Variants in SNORC observed in about 807,000 individuals in gnomAD.
SNORC encodes protein SNORC.
Under a neutral mutation model 9.7 loss-of-function variants are expected in SNORC, and 11 were observed. The observed-to-expected ratio is 1.14, with a 90% CI of 0.72 to 1.88. The LOEUF is 1.88. SNORC is among the 40% of genes most tolerant of loss of function. SNORC has a pLI of 0.00. For synonymous variants in SNORC, 108 were observed against 88.7 expected (o/e 1.22, Z -1.22); for missense variants, 197 against 173.1 (o/e 1.14, Z -0.77).
chr2:232,876,546 GC>G, downstream of SNORC: 2 of 1,188,118 alleles, frequency 1.7e-6, no homozygotes, highest in Non-Finnish European at 2.1e-6. The surrounding 1 kb of genome is among the most constrained non-coding windows in gnomAD (Gnocchi z 6.8). Flanking sequence ...CCGGAGGCGC[GC>G]CCGAATTCCC....
intron 1 of SNORC, chr2:232,875,377 C>A (rs542227014): frequency 1.1e-4 from 29 of 258,248 alleles, no homozygotes; most frequent in African/African-American, 5.4e-4. Flanking sequence ...CATGGGCAGG[C>A]CTGCCCTGCT....
At chr2:232,869,433 T>A (rs1574968633), upstream of SNORC, among the ~76,000 whole-genome samples, 1 of 151,952 alleles carries the variant, frequency 6.6e-6, no homozygotes, top group East Asian at 1.9e-4. Flanking sequence ...GGCTCAGACG[T>A]GGGAAGTGAG....
chr2:232,875,735 C>G (rs1691203667), intron 1 of SNORC: 1 of 594,140 alleles, frequency 1.7e-6, no homozygotes, highest in Non-Finnish European at 2.9e-6. Flanking sequence ...AGACACTCCT[C>G]CTGCCCACCC....
chr2:232,877,111 C>G (rs908110353), downstream of SNORC: 14 of 985,970 alleles, frequency 1.4e-5, no homozygotes, highest in Non-Finnish European at 1.7e-5. Flanking sequence ...CCAAGCCCCC[C>G]TCTGCCCAGG....
chr2:232,869,534 A>G (rs1463471937), upstream of SNORC: 3 of 152,346 alleles, frequency 2.0e-5, no homozygotes, highest in African/African-American at 2.4e-5. Flanking sequence ...GGGAAGGGGC[A>G]GTAGAGTCAA....
chr2:232,876,649 C>A (rs906101910), downstream of SNORC: 5 of 1,020,520 alleles, frequency 4.9e-6, no homozygotes, highest in East Asian at 3.7e-4. This position sits in a 1 kb window ranked among gnomAD's most constrained non-coding sequence, Gnocchi z 6.8. Context: ...CCGCGCGGCT[C>A]GGCGTCCCCG....
At position 232,875,774 on chromosome 2, in the gene SNORC, C is replaced by T. The variant is rs796757531; in HGVS notation, c.74-166C>T. 38 of 738,612 alleles carry T rather than the reference C, an allele frequency of 5.1e-5. No individual in the cohort carries two copies. The African/African-American group carries it at 6.1e-4, about 12-fold the overall frequency. 45.8% of individuals were successfully genotyped at this position (738,612 alleles called of 1,614,324 possible). A position where few individuals can be genotyped will look rare whatever the true frequency, so the allele number is the denominator to read the frequency against. On this transcript the variant is annotated intron_variant, in intron 1 of 2. Transcript: ENST00000331342. ...GGCCCTGCCCAATGGGAGGCAGCAACGCACTGGCTTCAGCTTCTTAGCCTG... is the reference window on the plus strand; with the variant it reads ...GGCCCTGCCCAATGGGAGGCAGCAATGCACTGGCTTCAGCTTCTTAGCCTG...
At chr2:232,873,247 A>T (rs1428216414) in intron 1 of SNORC, among the ~76,000 whole-genome samples, 1 of 152,226 alleles carries the variant, frequency 6.6e-6, no homozygotes, top group African/African-American at 2.4e-5. Context: ...GATAGGCCCC[A>T]GCCCTCCTGA....
At chr2:232,875,037 C>T (rs1395441600) in intron 1 of SNORC, among the ~76,000 whole-genome samples, 2 of 152,224 alleles carry the variant, frequency 1.3e-5, no homozygotes, top group African/African-American at 4.8e-5. Flanking sequence ...AGTCTCTATC[C>T]CAGTTGAGAT....
intron 1 of SNORC, 90 bp downstream of exon 1, chr2:232,870,504 A>C: frequency 3.2e-6 from 4 of 1,268,122 alleles, no homozygotes; most frequent in Non-Finnish European, 4.4e-6. Context: ...TTCACTGGGG[A>C]GGAAGCCCTC....
chr2:232,866,629 GATTA>G (rs568723204), upstream of SNORC, among the ~76,000 whole-genome samples: 36 of 152,272 alleles, frequency 2.4e-4, no homozygotes, highest in Admixed American at 5.2e-4. Flanking sequence ...CAGCTTATGA[GATTA>G]ATTTTCTGTT....
At chr2:232,875,456 A>G in intron 1 of SNORC, 2 of 405,764 alleles carry the variant, frequency 4.9e-6, no homozygotes, top group Non-Finnish European at 1.0e-5. Context: ...CCCCATGTTG[A>G]GCTTTCCAGC....
At chr2:232,870,067 AAG>A (rs992827448), upstream of SNORC, among the ~76,000 whole-genome samples, 5 of 151,848 alleles carry the variant, frequency 3.3e-5, no homozygotes, top group East Asian at 1.9e-4. Context: ...GGGGTGGAGA[AAG>A]AGAGAGAGCA....
At chr2:232,876,830 TCCTCTGCCTGGGCGCGGGCCGAGGC>T (rs1399327684), downstream of SNORC, 23 of 985,290 alleles carry the variant, frequency 2.3e-5, no homozygotes, top group Non-Finnish European at 2.8e-5. This position sits in a 1 kb window ranked among gnomAD's most constrained non-coding sequence, Gnocchi z 6.8. Flanking sequence ...CGGCGCCGCC[TCCTCTGCCTGGGCGCGGGCCGAGGC>T]CCTCGCCGCG....
At chr2:232,873,748 G>C (rs1366494186) in intron 1 of SNORC, among the ~76,000 whole-genome samples, 3 of 152,232 alleles carry the variant, frequency 2.0e-5, no homozygotes, top group Admixed American at 6.5e-5. Flanking sequence ...CCAGGGGCCT[G>C]GGGCCTTCCA....
At chr2:232,875,734 TCCTGCCCACCCACCGGC>T in intron 1 of SNORC, 189 bp from the exon 2 acceptor site, 1 of 593,490 alleles carries the variant, frequency 1.7e-6, no homozygotes. Context: ...CAGACACTCC[TCCTGCCCACCCACCGGC>T]CCTGCCCAAT....
At chr2:232,876,633 G>A, downstream of SNORC, 1 of 1,039,746 alleles carries the variant, frequency 9.6e-7, no homozygotes, top group Non-Finnish European at 1.2e-6. This position sits in a 1 kb window ranked among gnomAD's most constrained non-coding sequence, Gnocchi z 6.8. Flanking sequence ...CTGAGCGCGC[G>A]CAGGGCCGCG....
At chr2:232,870,790 G>C (rs1690998406) in intron 1 of SNORC, among the ~76,000 whole-genome samples, 1 of 152,176 alleles carries the variant, frequency 6.6e-6, no homozygotes, top group South Asian at 2.1e-4. Flanking sequence ...GGCCAGAGGA[G>C]TGCAGAGCCT....
downstream of SNORC, chr2:232,876,566 C>A: frequency 8.6e-7 from 1 of 1,166,786 alleles, no homozygotes. The surrounding 1 kb of genome is among the most constrained non-coding windows in gnomAD (Gnocchi z 6.8). Flanking sequence ...CCCGCAGGGG[C>A]GCCGGGGCGT....
Sources: gnomAD v4.1 joint callset for allele counts (sites outside exome capture counted in the v4.1 genomes callset) on GRCh38, gnomAD v4.1.1 for gene constraint, Gnocchi (gnomAD v3.1) non-coding constraint, MANE v1.5 for transcripts, NCBI Gene and HGNC (gene_info 2026-07-23, HGNC 2026-07-21) for gene names.